The following SH3TC2 variants were observed in gnomAD, a reference collection of about 807,000 sequenced individuals.
SH3TC2 encodes the protein SH3 domain and tetratricopeptide repeat-containing protein 2.
Under a neutral mutation model 124.5 loss-of-function variants are expected in SH3TC2, and 87 were observed. That is an observed-to-expected ratio of 0.70 (90% CI 0.59 to 0.84). The LOEUF (loss-of-function observed/expected upper bound fraction) is 0.84, where lower values mean the gene tolerates loss of function less well. Among genes scored for constraint, SH3TC2 ranks in the 40% least tolerant of loss-of-function variants. The pLI is 0.00. For synonymous variants in SH3TC2, 634 were observed against 628.5 expected (o/e 1.01, Z -0.13); for missense variants, 1,536 against 1,566.4 (o/e 0.98, Z 0.33).
chr5:148,986,129 T>G lies in SH3TC2; in HGVS notation c.*18582A>C, dbSNP rs1246576559. On this transcript the variant is annotated 3_prime_UTR_variant, in exon 17 of 17. Coordinates refer to ENST00000515425, the MANE Select transcript of SH3TC2 (RefSeq NM_024577.4). ...AATTTTCACTCACTAAGGCCCTGCT[T>G]AATAGCCTATTTTACTGCCCGTGTG... Among the ~76,000 whole-genome samples the G allele has an allele frequency of 6.6e-6, 1 of 152,200 alleles. No individual in the cohort carries two copies. Among genetic ancestry groups the G allele is most frequent in the Non-Finnish European group, 1.5e-5 (1 of 68,030 alleles).
At position 148,982,369 on chromosome 5, in the gene SH3TC2, TCTG is replaced by T. The variant is rs1753264482; in HGVS notation, c.*22339_*22341del. ...CAACAAATGCATATGCCCTTAGTATTCTGCTATTTCACTTTTGTGGAATTTTTC... is the reference window on the plus strand; with the variant it reads ...CAACAAATGCATATGCCCTTAGTATTCTATTTCACTTTTGTGGAATTTTTC... On this transcript the variant is annotated 3_prime_UTR_variant, in exon 17 of 17. Coordinates refer to ENST00000515425, the MANE Select transcript of SH3TC2 (RefSeq NM_024577.4). Among the ~76,000 whole-genome samples the T allele has an allele frequency of 1.3e-5, 2 of 152,228 alleles. No individual in the cohort carries two copies. The highest frequency in any genetic ancestry group is 2.9e-5 in the Non-Finnish European group (2 of 68,040).
intron 8 of SH3TC2, among the ~76,000 whole-genome samples, chr5:149,037,316 C>T (rs1260653941): frequency 2.0e-5 from 3 of 152,114 alleles, no homozygotes; most frequent in East Asian, 1.9e-4. Context: ...TTACAAGTCC[C>T]GATAGTTCTC....
chr5:148,983,745 A>C lies in SH3TC2; in HGVS notation c.*20966T>G, dbSNP rs532239431. Among the ~76,000 whole-genome samples the C allele has an allele frequency of 1.3e-4, 20 of 152,108 alleles. No homozygotes were observed. The highest frequency in any genetic ancestry group is 2.6e-4 in the Non-Finnish European group (18 of 68,006). The stretch of plus-strand genomic sequence containing the variant: ...TTCTACTTCCCTGTCACAAATGGCC[A>C]TCATGTCCAGAGCTTTTGTCCAAAG... On this transcript the variant is annotated 3_prime_UTR_variant, in exon 17 of 17. Coordinates refer to ENST00000515425, the MANE Select transcript of SH3TC2 (RefSeq NM_024577.4).
rs910508224 is a variant in SH3TC2 at position 149,003,272 on chromosome 5, T to G, written c.*1439A>C. On this transcript the variant is annotated 3_prime_UTR_variant, in exon 17 of 17. Transcript: ENST00000515425. ...TTGAATAGGCAAGACTAAGGAGATGTCACTTCTGTGATCAGGTTATAGAAA... is the reference window on the plus strand; with the variant it reads ...TTGAATAGGCAAGACTAAGGAGATGGCACTTCTGTGATCAGGTTATAGAAA... The G allele has an allele frequency of 1.3e-5, 2 of 152,360 alleles. No homozygotes were observed. Among genetic ancestry groups the G allele is most frequent in the Non-Finnish European group, 2.9e-5 (2 of 68,158 alleles). 9.4% of individuals were successfully genotyped at this position (152,360 alleles called of 1,614,324 possible).
At chr5:149,043,891 T>G (rs976166938) in intron 4 of SH3TC2, 1 of 153,208 alleles carries the variant, frequency 6.5e-6, no homozygotes, top group African/African-American at 2.4e-5. Flanking sequence ...CTGGGAGATA[T>G]AAAACATCCA....
chr5:149,012,604 G>C lies in SH3TC2; in HGVS notation c.3184C>G (p.Leu1062Val). The change falls in exon 13 of 17, where the codon CTG becomes GTG. Residue 1062 changes from leucine (L) to valine (V), a missense_variant. Physicochemically the swap from Leu to Val is conservative, Grantham distance 32. Coordinates refer to ENST00000515425, the MANE Select transcript of SH3TC2 (RefSeq NM_024577.4). ...CCTACCTGCAGGCACAGCTCCACCAGCTCGTCTTCCTGCATGAGGTAGTGG... is the reference window on the plus strand; with the variant it reads ...CCTACCTGCAGGCACAGCTCCACCACCTCGTCTTCCTGCATGAGGTAGTGG... ...RLHYLMQEDELVELCLQAAIQ... is the reference protein window; with the variant it reads ...RLHYLMQEDEVVELCLQAAIQ... The C allele has an allele frequency of 6.2e-7, 1 of 1,614,138 alleles. No homozygotes were observed. Among genetic ancestry groups the C allele is most frequent in the Non-Finnish European group, 8.5e-7 (1 of 1,180,020 alleles).
intron 8 of SH3TC2, among the ~76,000 whole-genome samples, chr5:149,032,662 A>G (rs1754216683): frequency 6.6e-6 from 1 of 152,216 alleles, no homozygotes; most frequent in Non-Finnish European, 1.5e-5. Flanking sequence ...CAGACGAATA[A>G]ACTGAGGCAC....
intron 12 of SH3TC2, among the ~76,000 whole-genome samples, chr5:149,013,831 A>T (rs2127393685): frequency 6.6e-6 from 1 of 152,332 alleles, no homozygotes. Context: ...CAACAACTAG[A>T]GTCACCTGGA....
chr5:149,055,695 C>A (rs1754633937), intron 1 of SH3TC2, among the ~76,000 whole-genome samples: 2 of 152,146 alleles, frequency 1.3e-5, no homozygotes, highest in Non-Finnish European at 1.5e-5. Context: ...CAGAACAGCA[C>A]TATTTATAAG....
At chr5:149,011,496 C>T (rs935626849) in intron 13 of SH3TC2, among the ~76,000 whole-genome samples, 16 of 152,356 alleles carry the variant, frequency 1.1e-4, no homozygotes, top group African/African-American at 3.8e-4. Flanking sequence ...CTAAGTCACA[C>T]TGTGTGCAGT....
intron 12 of SH3TC2, among the ~76,000 whole-genome samples, chr5:149,019,969 G>T (rs1485883904): frequency 2.0e-5 from 3 of 152,170 alleles, no homozygotes; most frequent in Non-Finnish European, 4.4e-5. Context: ...CACAGGGCTT[G>T]TTTTCCTTTA....
intron 1 of SH3TC2, among the ~76,000 whole-genome samples, chr5:149,055,752 A>G (rs1364440385): frequency 6.6e-6 from 1 of 152,198 alleles, no homozygotes; most frequent in African/African-American, 2.4e-5. Flanking sequence ...ACTAGAATGG[A>G]CAAGTAAATG....
At chr5:149,033,308 T>G (rs1248781685) in intron 8 of SH3TC2, among the ~76,000 whole-genome samples, 1 of 152,176 alleles carries the variant, frequency 6.6e-6, no homozygotes, top group Non-Finnish European at 1.5e-5. Flanking sequence ...GAAAACTGGG[T>G]TAGAAGAACA....
At chr5:149,038,533 A>G (rs771108774) in intron 7 of SH3TC2, 43 bp from the exon 8 acceptor site, 2 of 1,596,754 alleles carry the variant, frequency 1.3e-6, no homozygotes, top group Admixed American at 3.3e-5. Flanking sequence ...AGACATGAAC[A>G]GCTGAGCCTC....
At position 148,986,417 on chromosome 5, in the gene SH3TC2, C is replaced by T. The variant is rs1011730391; in HGVS notation, c.*18294G>A. On this transcript the variant is annotated 3_prime_UTR_variant, in exon 17 of 17. Transcript: ENST00000515425. Reference sequence around the variant, plus strand: ...GATAGACTTAGTGAGAAAACGGAAGCCCTGGAAAGCCAAGGTAACCCCACT... The same window carrying T: ...GATAGACTTAGTGAGAAAACGGAAGTCCTGGAAAGCCAAGGTAACCCCACT... Among the ~76,000 whole-genome samples, 4 of 152,108 alleles carry T rather than the reference C, an allele frequency of 2.6e-5. No individual in the cohort carries two copies. The highest frequency in any genetic ancestry group is 5.9e-5 in the Non-Finnish European group (4 of 68,014).
intron 9 of SH3TC2, among the ~76,000 whole-genome samples, chr5:149,030,782 A>C (rs186069156): frequency 5.9e-4 from 90 of 152,376 alleles, no homozygotes; most frequent in Middle Eastern, 3.4e-3. Context: ...ATCTGGCTAC[A>C]CAAGAGCGGA....
chr5:149,005,231 C>T (rs556762420), intron 16 of SH3TC2, among the ~76,000 whole-genome samples: 4 of 152,270 alleles, frequency 2.6e-5, no homozygotes, highest in South Asian at 4.1e-4. Flanking sequence ...TCTGCCACTC[C>T]CTGGGACTTT....
chr5:149,029,450 G>A (rs542487419), intron 9 of SH3TC2, among the ~76,000 whole-genome samples: 2 of 152,268 alleles, frequency 1.3e-5, no homozygotes, highest in South Asian at 2.1e-4. Flanking sequence ...GAGAAAAACT[G>A]AGACTTTGCA....
At chr5:149,062,217 C>T (rs1580923828) in intron 1 of SH3TC2, 1 of 417,934 alleles carries the variant, frequency 2.4e-6, no homozygotes, top group East Asian at 7.0e-5. Flanking sequence ...ACCAATCTAA[C>T]CCCACATTTC....
Sources: gnomAD v4.1 joint callset for allele counts (sites outside exome capture counted in the v4.1 genomes callset) on GRCh38, gnomAD v4.1.1 for gene constraint, MANE v1.5 for transcripts, NCBI Gene and HGNC (gene_info 2026-07-23, HGNC 2026-07-21) for gene names.